Variants in ABCA13 observed in about 807,000 individuals in gnomAD.
ABCA13 encodes the protein ATP-binding cassette sub-family A member 13.
Under a neutral mutation model 478.7 loss-of-function variants are expected in ABCA13, and 476 were observed. That is an observed-to-expected ratio of 0.99 (90% CI 0.92 to 1.07). The LOEUF (loss-of-function observed/expected upper bound fraction) is 1.07, where lower values mean the gene tolerates loss of function less well. ABCA13 is among the 50% of genes least tolerant of loss of function. The pLI, the probability that ABCA13 is intolerant of heterozygous loss-of-function variation, is 0.00. For missense variants in ABCA13, 6,060 were observed against 5,910.6 expected (o/e 1.03, Z -0.83); for synonymous variants, 2,252 against 2,158.9 (o/e 1.04, Z -1.20).
In ABCA13 at chr7:48,455,110, C is replaced by T; in HGVS notation, c.12639C>T (p.Ala4213=). 1.3e-6 allele frequency: 2 copies of T among 1,557,304 alleles called. No homozygotes were observed. Among genetic ancestry groups the T allele is most frequent in the Non-Finnish European group, 1.7e-6 (2 of 1,151,226 alleles). ...GCGCACAAGTGGCCGCGATCCTGGC[C>T]CGGAGGCTCCGCCGCACGCTGCGCG... ...LLRAQVAAIL[A]RRLRRTLRAG... is the part of the protein sequence containing the mutation. Residue 4213 remains alanine, a synonymous_variant, in exon 43 of 62, where the codon GCC becomes GCT. Coordinates refer to ENST00000435803, the MANE Select transcript of ABCA13 (RefSeq NM_152701.5).
intron 57 of ABCA13, among the ~76,000 whole-genome samples, chr7:48,587,636 T>G (rs763315697): frequency 2.0e-5 from 3 of 152,190 alleles, no homozygotes; most frequent in Non-Finnish European, 4.4e-5. Context: ...TGTGTGTAGA[T>G]GTATGTTTAT....
chr7:48,292,069 A>G (rs1798616533), intron 20 of ABCA13, among the ~76,000 whole-genome samples: 1 of 152,044 alleles, frequency 6.6e-6, no homozygotes, highest in Admixed American at 6.5e-5. Context: ...TAAAAATCCC[A>G]ATTACTTCCT....
intron 20 of ABCA13, among the ~76,000 whole-genome samples, chr7:48,293,496 A>G (rs1271345333): frequency 1.3e-5 from 2 of 152,228 alleles, no homozygotes; most frequent in African/African-American, 4.8e-5. Flanking sequence ...TGCTTCCAAT[A>G]TCAGTAAGAA....
At chr7:48,316,790 G>T (rs181445367) in intron 26 of ABCA13, among the ~76,000 whole-genome samples, 11 of 152,308 alleles carry the variant, frequency 7.2e-5, no homozygotes, top group African/African-American at 2.6e-4. Context: ...GAAGCAAGAG[G>T]GGGGAGGAGG....
intron 35 of ABCA13, among the ~76,000 whole-genome samples, chr7:48,387,302 A>G (rs750347404): frequency 4.6e-5 from 7 of 152,138 alleles, no homozygotes; most frequent in Non-Finnish European, 7.4e-5. Flanking sequence ...GGCTGAAATG[A>G]ATTTGGAGAA....
intron 59 of ABCA13, among the ~76,000 whole-genome samples, chr7:48,636,197 T>A (rs1195439159): frequency 6.6e-6 from 1 of 152,228 alleles, no homozygotes; most frequent in Non-Finnish European, 1.5e-5. Context: ...TTTGAATGAT[T>A]AAAAGGCAAG....
At position 48,520,136 on chromosome 7, in the gene ABCA13, G is replaced by A. The variant is rs772524692; in HGVS notation, c.13893G>A (p.Gln4631=). 8.7e-6 allele frequency: 14 copies of A among 1,613,678 alleles called. No individual in the cohort carries two copies. The South Asian group carries it at 1.5e-4, about 18-fold the overall frequency. ...GQGLVELCYN[Q]IKYDLTHNFG... ...GACTGGTAGAACTCTGCTATAATCAGATCAAATATGACCTGACCCACAACT... is the reference window on the plus strand; with the variant it reads ...GACTGGTAGAACTCTGCTATAATCAAATCAAATATGACCTGACCCACAACT... The change falls in exon 53 of 62, where the codon CAG becomes CAA. Residue 4631 remains glutamine (Q), a synonymous_variant. Coordinates refer to ENST00000435803, the MANE Select transcript of ABCA13 (RefSeq NM_152701.5).
At chr7:48,335,285 G>A in intron 27 of ABCA13, 137 bp from the exon 28 acceptor site, 1 of 588,242 alleles carries the variant, frequency 1.7e-6, no homozygotes, top group East Asian at 3.0e-5. Context: ...AACTTTTCAT[G>A]TTATTGAGGA....
chr7:48,402,912 G>A (rs1817796710), intron 38 of ABCA13, among the ~76,000 whole-genome samples: 1 of 152,212 alleles, frequency 6.6e-6, no homozygotes, highest in Non-Finnish European at 1.5e-5. Context: ...GGAAGGCATT[G>A]TTTAAACTGG....
chr7:48,595,477 G>T (rs1208958057), intron 58 of ABCA13, among the ~76,000 whole-genome samples: 1 of 152,184 alleles, frequency 6.6e-6, no homozygotes, highest in Non-Finnish European at 1.5e-5. Context: ...TGAATAAGAT[G>T]TCAAGAGCTG....
At chr7:48,379,703 G>C (rs913276125) in intron 35 of ABCA13, among the ~76,000 whole-genome samples, 18 of 152,074 alleles carry the variant, frequency 1.2e-4, no homozygotes, top group Non-Finnish European at 2.4e-4. Context: ...AGTAGTACTA[G>C]ATCAGACTTA....
chr7:48,193,911 AGTG>A (rs1468901941), intron 2 of ABCA13, among the ~76,000 whole-genome samples: 1 of 28,598 alleles, frequency 3.5e-5, no homozygotes, highest in South Asian at 1.6e-3. Flanking sequence ...AGATGATGAT[AGTG>A]ATGATGCTGA....
At chr7:48,593,037 T>A (rs1286352713) in intron 57 of ABCA13, among the ~76,000 whole-genome samples, 1 of 152,088 alleles carries the variant, frequency 6.6e-6, no homozygotes, top group Non-Finnish European at 1.5e-5. Context: ...TTTATGCCTT[T>A]TGATTGGCAA....
intron 20 of ABCA13, among the ~76,000 whole-genome samples, chr7:48,295,075 T>A (rs1036667022): frequency 2.6e-5 from 4 of 152,202 alleles, no homozygotes; most frequent in Admixed American, 2.6e-4. Flanking sequence ...CATATGGTAG[T>A]TCCATTTTTA....
At position 48,539,156 on chromosome 7, in the gene ABCA13, G is replaced by A. The variant is rs538809575; in HGVS notation, c.14354+10811G>A. On this transcript the variant is annotated intron_variant, in intron 55 of 61. Transcript: ENST00000435803. ...AGCACTTTGGGAGGCTGTGGCGGGC[G>A]AATTGCTTGAGCCCAGAGTTTGAGA... Among the ~76,000 whole-genome samples the A allele has an allele frequency of 1.9e-4, 29 of 152,188 alleles. No individual in the cohort carries two copies. The South Asian group carries it at 5.8e-3, about 30-fold the overall frequency.
At chr7:48,371,660 G>A (rs1585048952) in intron 32 of ABCA13, among the ~76,000 whole-genome samples, 1 of 152,158 alleles carries the variant, frequency 6.6e-6, no homozygotes, top group South Asian at 2.1e-4. Flanking sequence ...CTTGGCTGAA[G>A]TTGCTTATTA....
chr7:48,533,910 G>A (rs1833402359), intron 55 of ABCA13, among the ~76,000 whole-genome samples: 1 of 152,070 alleles, frequency 6.6e-6, no homozygotes. Flanking sequence ...TGAGTCTCCT[G>A]AAGACAGCAG....
At position 48,193,013 on chromosome 7, in the gene ABCA13, G is replaced by A; in HGVS notation, c.124G>A (p.Val42Ile). The stretch of plus-strand genomic sequence containing the variant: ...TTGTATCCTGTTTGTAATTCTGACA[G>A]TTCTTCGTTTTCAAGAACCTCCCAG... ...WPCILFVILT[V>I]LRFQEPPRYR... The change falls in exon 2 of 62, where the codon GTT becomes ATT. Residue 42 changes from valine to isoleucine, a missense_variant. By Grantham distance (29) the Val-to-Ile change is conservative. Transcript: ENST00000435803. 6.5e-7 allele frequency: 1 copy of A among 1,532,404 alleles called. No homozygotes were observed. Among genetic ancestry groups the A allele is most frequent in the Non-Finnish European group, 8.7e-7 (1 of 1,145,346 alleles). 94.9% of individuals were successfully genotyped at this position (1,532,404 alleles called of 1,614,324 possible). A position where few individuals can be genotyped will look rare whatever the true frequency, so the allele number is the denominator to read the frequency against.
Position 48,295,688 on chromosome 7 carries a change from T to G in ABCA13, c.8956-12T>G. On this transcript the variant is annotated splice_polypyrimidine_tract_variant and intron_variant, in intron 20 of 61. Transcript: ENST00000435803. ...GTGTGCTTCTAACCTATATCATTGC[T>G]ATGTTTTCTAGGAAATTGAAAAGAT... The G allele has an allele frequency of 6.2e-7, 1 of 1,613,890 alleles. No homozygotes were observed.
Sources: allele counts gnomAD v4.1 joint callset (sites outside exome capture counted in the v4.1 genomes callset), GRCh38; gene constraint gnomAD v4.1.1; transcripts MANE v1.5; gene names NCBI Gene and HGNC (gene_info 2026-07-23, HGNC 2026-07-21).